The following MAML3 variants were observed in gnomAD, a reference collection of about 807,000 sequenced individuals.
MAML3 encodes the protein mastermind-like protein 3.
A neutral mutation model predicts 101.9 loss-of-function variants in MAML3; 27 were observed. The observed-to-expected ratio is 0.27, with a 90% CI of 0.20 to 0.37. MAML3 has a LOEUF of 0.37. MAML3 is among the 10% of genes least tolerant of loss of function. The probability of loss-of-function intolerance (pLI) is 1.00; values close to 1 mark genes in which losing one functional copy is unlikely to be tolerated. For missense variants in MAML3, 1,316 were observed against 1,444.9 expected (o/e 0.91, Z 1.45); for synonymous variants, 501 against 555.9 (o/e 0.90, Z 1.39).
chr4:139,771,709 C>G (rs1178176434), intron 2 of MAML3, among the ~76,000 whole-genome samples: 1 of 152,064 alleles, frequency 6.6e-6, no homozygotes, highest in East Asian at 1.9e-4. Flanking sequence ...CTGCAAATTC[C>G]CCAGCCTAGG....
chr4:139,931,781 G>A (rs1231932079), intron 1 of MAML3, among the ~76,000 whole-genome samples: 2 of 151,924 alleles, frequency 1.3e-5, no homozygotes, highest in African/African-American at 4.8e-5. Flanking sequence ...AGGCCCAGAC[G>A]GGCGGGTCAC....
intron 1 of MAML3, among the ~76,000 whole-genome samples, chr4:140,033,843 T>TTAAG (rs1348499774): frequency 6.6e-6 from 1 of 152,260 alleles, no homozygotes; most frequent in African/African-American, 2.4e-5. Context: ...TCTGCTTGCA[T>TTAAG]TAAGCAGTGC....
intron 1 of MAML3, among the ~76,000 whole-genome samples, chr4:139,954,771 C>T (rs1297397303): frequency 6.6e-6 from 1 of 152,178 alleles, no homozygotes; most frequent in Admixed American, 6.5e-5. Flanking sequence ...CCTCCCTTCT[C>T]AGCCTTTCGA....
intron 1 of MAML3, among the ~76,000 whole-genome samples, chr4:140,023,545 A>T (rs1419472277): frequency 6.6e-6 from 1 of 152,158 alleles, no homozygotes; most frequent in Non-Finnish European, 1.5e-5. Context: ...TGTCAGGGGG[A>T]TATGTGGAGG....
At chr4:139,837,629 A>G (rs571625143) in intron 2 of MAML3, among the ~76,000 whole-genome samples, 33 of 152,138 alleles carry the variant, frequency 2.2e-4, no homozygotes, top group Non-Finnish European at 4.6e-4. Context: ...TAATACTATT[A>G]TAAGGATAGG....
chr4:139,927,960 T>A (rs1430196729), intron 1 of MAML3, among the ~76,000 whole-genome samples: 1 of 152,226 alleles, frequency 6.6e-6, no homozygotes, highest in East Asian at 1.9e-4. Flanking sequence ...TTATTGCTAC[T>A]GGGCTGTTGC....
intron 1 of MAML3, among the ~76,000 whole-genome samples, chr4:139,953,135 G>A (rs900071783): frequency 3.3e-5 from 5 of 152,190 alleles, no homozygotes; most frequent in Non-Finnish European, 4.4e-5. Context: ...AAAAAAGAAT[G>A]TGCCTACATA....
rs1578628750 is a variant in MAML3, at chr4:139,984,202, G to A, written c.469-93235C>T. ...AGTTATTGCTGATGACAGGTCAACA[G>A]TGTGGCGTTGAGAATAGATGGTTCG... On this transcript the variant is annotated intron_variant, in intron 1 of 4. Coordinates refer to ENST00000509479, the MANE Select transcript of MAML3 (RefSeq NM_018717.5). 5.3e-5 allele frequency among the ~76,000 whole-genome samples: 8 copies of A among 152,268 alleles called. 1 individual carries two copies. The South Asian group carries it at 1.7e-3, about 32-fold the overall frequency.
At chr4:139,807,297 G>A (rs757147508) in intron 2 of MAML3, among the ~76,000 whole-genome samples, 3 of 152,204 alleles carry the variant, frequency 2.0e-5, no homozygotes, top group Non-Finnish European at 2.9e-5. Context: ...GTGTGTGTGT[G>A]TGTGTGTATG....
intron 1 of MAML3, among the ~76,000 whole-genome samples, chr4:140,035,166 G>T (rs139088090): frequency 0.015 from 2,248 of 152,054 alleles, 40 homozygotes; most frequent in African/African-American, 0.052. Flanking sequence ...TTGAGACAGG[G>T]TTTCACCATG....
At chr4:140,088,868 A>C (rs531373584) in intron 1 of MAML3, among the ~76,000 whole-genome samples, 1 of 152,320 alleles carries the variant, frequency 6.6e-6, no homozygotes, top group South Asian at 2.1e-4. Context: ...TCAGTATCTT[A>C]ATTGTATCTC....
At chr4:140,124,596 A>G (rs1008265103) in intron 1 of MAML3, among the ~76,000 whole-genome samples, 2 of 152,210 alleles carry the variant, frequency 1.3e-5, no homozygotes, top group Non-Finnish European at 2.9e-5. Context: ...AATAGAAGAA[A>G]TCAAAAGCTA....
chr4:139,874,602 G>A (rs1465849233), intron 2 of MAML3, among the ~76,000 whole-genome samples: 2 of 152,104 alleles, frequency 1.3e-5, no homozygotes, highest in African/African-American at 4.8e-5. Flanking sequence ...ATGAATGAAT[G>A]AATGAAACTG....
Position 140,110,668 on chromosome 4 carries a change from G to GAAAAGCAAACTACA in MAML3, c.468+42178_468+42191dup, listed in dbSNP as rs111289320. On this transcript the variant is annotated intron_variant, in intron 1 of 4. Transcript: ENST00000509479. Reference sequence around the variant, plus strand: ...GCAACATTCAAAGTCACATGGACTTGAAAAGCAAACTACAAAAAGCAAAAA... The same window carrying GAAAAGCAAACTACA: ...GCAACATTCAAAGTCACATGGACTTGAAAAGCAAACTACAAAAAGCAAACTACAAAAAGCAAAAA... Among the ~76,000 whole-genome samples, 521 of 152,298 alleles carry GAAAAGCAAACTACA rather than the reference G, an allele frequency of 3.4e-3. 2 individuals carry two copies. The highest frequency in any genetic ancestry group is 0.012 in the African/African-American group (496 of 41,566).
chr4:140,047,687 T>C (rs1427034995), intron 1 of MAML3, among the ~76,000 whole-genome samples: 2 of 151,636 alleles, frequency 1.3e-5, no homozygotes, highest in South Asian at 2.1e-4. Context: ...TGCCCGCTCT[T>C]GGAGCTTGAG....
At chr4:139,853,336 G>C (rs1421126940) in intron 2 of MAML3, among the ~76,000 whole-genome samples, 2 of 152,176 alleles carry the variant, frequency 1.3e-5, no homozygotes, top group Non-Finnish European at 2.9e-5. Flanking sequence ...GGGGATGCTT[G>C]TATATATGTT....
intron 1 of MAML3, among the ~76,000 whole-genome samples, chr4:139,972,175 G>T (rs531399894): frequency 9.9e-5 from 15 of 151,996 alleles, no homozygotes; most frequent in Admixed American, 4.6e-4. Flanking sequence ...CAGGTATTAA[G>T]CCCAGTATCC....
At chr4:140,039,969 A>G (rs1727053610) in intron 1 of MAML3, among the ~76,000 whole-genome samples, 1 of 152,236 alleles carries the variant, frequency 6.6e-6, no homozygotes, top group African/African-American at 2.4e-5. Context: ...ACTCACAGAA[A>G]CTAAATAAGT....
At chr4:139,962,199 C>G (rs902538995) in intron 1 of MAML3, among the ~76,000 whole-genome samples, 1 of 151,996 alleles carries the variant, frequency 6.6e-6, no homozygotes, top group Non-Finnish European at 1.5e-5. Context: ...CTATAACTTT[C>G]TCTGTCCAGA....
Sources: allele counts gnomAD v4.1 joint callset (sites outside exome capture counted in the v4.1 genomes callset), GRCh38; gene constraint gnomAD v4.1.1; transcripts MANE v1.5; gene names NCBI Gene and HGNC (gene_info 2026-07-23, HGNC 2026-07-21).